GEMIN5: variants seen among roughly 807,000 people sequenced by gnomAD.
The protein encoded by GEMIN5 is gem nuclear organelle associated protein 5.
In GEMIN5, 124 loss-of-function variants were observed where a neutral mutation model predicts 176.9. The observed-to-expected ratio is 0.70, with a 90% CI of 0.61 to 0.81. The LOEUF is 0.81. GEMIN5 is among the 40% of genes least tolerant of loss of function. GEMIN5 has a pLI of 0.00. For missense variants in GEMIN5, 1,843 were observed against 1,814.6 expected, an observed-to-expected ratio of 1.02 and a Z score of -0.28; for synonymous variants, 673 against 665.2, an observed-to-expected ratio of 1.01 and a Z score of -0.18.
At chr5:154,928,747 G>A (rs1035368) in intron 5 of GEMIN5, 88 bp from the exon 6 acceptor site, 1,027,934 of 1,161,394 alleles carry the variant, frequency 0.89, 457,795 homozygotes, top group Non-Finnish European at 0.91. Flanking sequence ...CACAGTCTGC[G>A]CTGTAAAAGC....
intron 5 of GEMIN5, among the ~76,000 whole-genome samples, chr5:154,929,575 C>T (rs1320846883): frequency 6.6e-6 from 1 of 152,140 alleles, no homozygotes; most frequent in Non-Finnish European, 1.5e-5. Context: ...GGTACAAGAA[C>T]CTACATTTTT....
rs1377522652 is a variant in GEMIN5, at chr5:154,918,117, TA to T, written c.1600-114del. The T allele has an allele frequency of 9.1e-6, 6 of 659,222 alleles. No individual in the cohort carries two copies. In the East Asian group the frequency reaches 1.6e-4, roughly 18 times the overall value. 40.8% of individuals were successfully genotyped at this position (659,222 alleles called of 1,614,324 possible). A position where few individuals can be genotyped will look rare whatever the true frequency, so the allele number is the denominator to read the frequency against. ...AAAAACGTTTTAATTATACAACAGC[TA>T]TTCTTGTAAATAATCTACATAATTA... On this transcript the variant is annotated intron_variant, in intron 11 of 27. Transcript: ENST00000285873.
At chr5:154,899,065 C>T (rs904703840) in intron 22 of GEMIN5, 126 bp downstream of exon 22, 87 of 884,158 alleles carry the variant, frequency 9.8e-5, no homozygotes, top group Non-Finnish European at 1.4e-4. Context: ...GTTGAATATA[C>T]ATATCTTTTA....
chr5:154,919,636 T>C (rs1329290632), intron 11 of GEMIN5, among the ~76,000 whole-genome samples: 1 of 152,250 alleles, frequency 6.6e-6, no homozygotes, highest in Non-Finnish European at 1.5e-5. Context: ...GTGGTTGGCC[T>C]GAAAAGGATG....
intron 26 of GEMIN5, among the ~76,000 whole-genome samples, chr5:154,890,373 C>T (rs1763199674): frequency 6.6e-6 from 1 of 152,020 alleles, no homozygotes; most frequent in African/African-American, 2.4e-5. Context: ...TGACACAGCC[C>T]TCAGGAGGCC....
intron 15 of GEMIN5, among the ~76,000 whole-genome samples, chr5:154,908,543 A>G (rs890374115): frequency 4.6e-5 from 7 of 152,220 alleles, no homozygotes; most frequent in African/African-American, 1.4e-4. Flanking sequence ...TTTGGTTGCC[A>G]TGCCTTTCTG....
intron 15 of GEMIN5, among the ~76,000 whole-genome samples, chr5:154,910,111 T>C (rs1345822390): frequency 6.6e-6 from 1 of 152,118 alleles, no homozygotes; most frequent in East Asian, 1.9e-4. Context: ...TACCTTCTTT[T>C]TATTGTGGAA....
At position 154,932,234 on chromosome 5, in the gene GEMIN5, C is replaced by T. The variant is rs756898827; in HGVS notation, c.526G>A (p.Val176Met). 4.4e-6 allele frequency: 7 copies of T among 1,606,540 alleles called. No homozygotes were observed. The Admixed American group carries it at 1.2e-4, about 27-fold the overall frequency. ...LVAIGYKDGI[V>M]VIIDISKKGE... ...TTCTTACTGATGTCAATTATCACCA[C>T]TATGCCATCCTTGTAGCTAAAAAAC... The change falls in exon 4 of 28, where the codon GTG (valine) becomes ATG (methionine). Residue 176 changes from valine to methionine, a missense_variant. Val to Met is a conservative substitution (Grantham distance 21, BLOSUM62 1). Transcript: ENST00000285873.
rs761927041 is a variant in GEMIN5, at chr5:154,907,828, T to C, written c.2168-10A>G. On this transcript the variant is annotated splice_polypyrimidine_tract_variant and intron_variant, in intron 15 of 27. Transcript: ENST00000285873. ...TCAATACTTTTTTTGCCTACAAGAA[T>C]CACAATAAAGGACTGACTAAAGTAT... 5.0e-6 allele frequency: 8 copies of C among 1,598,084 alleles called. No individual in the cohort carries two copies. The Admixed American group carries it at 5.0e-5, about 10-fold the overall frequency.
chr5:154,929,039 T>A (rs984563361), intron 5 of GEMIN5, among the ~76,000 whole-genome samples: 2 of 151,264 alleles, frequency 1.3e-5, no homozygotes, highest in African/African-American at 2.4e-5. Context: ...CTGGCTAACA[T>A]GGTGAAACCC....
At chr5:154,918,354 G>T (rs1226652411) in intron 11 of GEMIN5, among the ~76,000 whole-genome samples, 1 of 152,114 alleles carries the variant, frequency 6.6e-6, no homozygotes, top group Non-Finnish European at 1.5e-5. Flanking sequence ...CACTCTCCTT[G>T]TTTTCTATCC....
rs763833008 is a variant in GEMIN5 at position 154,920,051 on chromosome 5, C to G, written c.1515G>C (p.Gly505=). The G allele has an allele frequency of 1.2e-6, 2 of 1,612,968 alleles. No homozygotes were observed. Among genetic ancestry groups the G allele is most frequent in the Non-Finnish European group, 1.7e-6 (2 of 1,178,984 alleles). ...SLALYSCGGE[G]IVLQHNPWKL... is the part of the protein sequence containing the mutation. ...TCCAGGGATTATGCTGTAAGACAAT[C>G]CCTTCTCCTCCACAGCTGTATAAAG... The change falls in exon 11 of 28, where the codon GGG becomes GGC. Residue 505 remains glycine (G), a synonymous_variant. Coordinates refer to ENST00000285873, the MANE Select transcript of GEMIN5 (RefSeq NM_015465.5).
intron 26 of GEMIN5, among the ~76,000 whole-genome samples, chr5:154,890,905 A>G (rs1763210551): frequency 6.6e-6 from 1 of 152,172 alleles, no homozygotes; most frequent in Non-Finnish European, 1.5e-5. Flanking sequence ...CTGGAATTAC[A>G]GGCATGTGCC....
chr5:154,914,621 C>T (rs1206598941), intron 13 of GEMIN5, among the ~76,000 whole-genome samples: 5 of 151,498 alleles, frequency 3.3e-5, no homozygotes, highest in South Asian at 4.2e-4. Flanking sequence ...TCAAGGGATC[C>T]TCCCACCTCA....
At chr5:154,888,663 G>A (rs1490406906) in intron 27 of GEMIN5, among the ~76,000 whole-genome samples, 1 of 151,986 alleles carries the variant, frequency 6.6e-6, no homozygotes, top group African/African-American at 2.4e-5. Context: ...ATTAATATTT[G>A]GGCCCACAGC....
rs1290736512 is a variant in GEMIN5, at chr5:154,890,002, C to T, written c.4263-585G>A. 2.0e-5 allele frequency among the ~76,000 whole-genome samples: 3 copies of T among 152,214 alleles called. No individual in the cohort carries two copies. In the East Asian group the frequency reaches 5.8e-4, roughly 29 times the overall value. On this transcript the variant is annotated intron_variant, in intron 26 of 27. Transcript: ENST00000285873. ...TACCCAGATGTGGAAGTGCTGGATC[C>T]TATGGTCATTCTATTTTACATTTCT...
At chr5:154,913,076 T>G in intron 13 of GEMIN5, 38 bp from the exon 14 acceptor site, 1 of 1,546,212 alleles carries the variant, frequency 6.5e-7, no homozygotes, top group Non-Finnish European at 8.8e-7. Flanking sequence ...CTGCTACTAC[T>G]AATAACAAAA....
chr5:154,911,921 G>C (rs764833249), intron 14 of GEMIN5, 23 bp from the exon 15 acceptor site: 2 of 1,599,818 alleles, frequency 1.3e-6, no homozygotes, highest in South Asian at 2.3e-5. Flanking sequence ...GCACATGGCC[G>C]AAAAGACATT....
chr5:154,930,851 A>T (rs535866022), intron 5 of GEMIN5, among the ~76,000 whole-genome samples: 1 of 152,200 alleles, frequency 6.6e-6, no homozygotes, highest in Non-Finnish European at 1.5e-5. Flanking sequence ...AAAATAAAAT[A>T]AAATGAAGAA....
Sources: allele counts gnomAD v4.1 joint callset (sites outside exome capture counted in the v4.1 genomes callset), GRCh38; gene constraint gnomAD v4.1.1; transcripts MANE v1.5; gene names NCBI Gene and HGNC (gene_info 2026-07-23, HGNC 2026-07-21).